Variants in EML1 observed in about 807,000 individuals in gnomAD.
EML1 encodes the protein EMAP like 1.
Under a neutral mutation model 110.4 loss-of-function variants are expected in EML1, and 27 were observed. The observed-to-expected ratio is 0.24, with a 90% CI of 0.18 to 0.34. The LOEUF is 0.34. Ranked by LOEUF, EML1 falls within the 10% of genes least tolerant of loss-of-function variation. The probability of loss-of-function intolerance (pLI) is 1.00; values close to 1 mark genes in which losing one functional copy is unlikely to be tolerated. For synonymous variants in EML1, 344 were observed against 385.8 expected, an observed-to-expected ratio of 0.89 and a Z score of 1.27; for missense variants, 741 against 1,030.9, an observed-to-expected ratio of 0.72 and a Z score of 3.85.
At chr14:99,850,204 G>A (rs1195098709) in intron 1 of EML1, 8 of 1,044,078 alleles carry the variant, frequency 7.7e-6, no homozygotes, top group Non-Finnish European at 1.0e-5. Context: ...CTCCCAAAGT[G>A]TTCTCTGTGT....
At chr14:99,826,105 ATTTTTTTTT>A (rs71113225) in intron 1 of EML1, among the ~76,000 whole-genome samples, 4 of 79,962 alleles carry the variant, frequency 5.0e-5, no homozygotes, top group South Asian at 5.4e-4. Context: ...CTGTGCATTG[ATTTTTTTTT>A]TTTTTTTTTT....
chr14:99,809,021 G>C (rs1013514046), intron 1 of EML1, among the ~76,000 whole-genome samples: 23 of 152,098 alleles, frequency 1.5e-4, no homozygotes, highest in Admixed American at 3.3e-4. Context: ...TAGGTCTCCC[G>C]AAAAAAACCC....
intron 1 of EML1, among the ~76,000 whole-genome samples, chr14:99,763,445 C>T (rs1287287165): frequency 1.3e-5 from 2 of 152,150 alleles, no homozygotes; most frequent in African/African-American, 4.8e-5. Flanking sequence ...CACACTCAGG[C>T]ACCTTCACAA....
chr14:99,749,810 G>A (rs995818538), intron 1 of EML1, among the ~76,000 whole-genome samples: 2 of 152,250 alleles, frequency 1.3e-5, no homozygotes, highest in Non-Finnish European at 2.9e-5. Flanking sequence ...CACAGCCCCA[G>A]TGAAATGCAG....
At chr14:99,844,886 C>T (rs994649356) in intron 1 of EML1, among the ~76,000 whole-genome samples, 3 of 152,106 alleles carry the variant, frequency 2.0e-5, no homozygotes, top group African/African-American at 7.2e-5. Flanking sequence ...GAGTATATTC[C>T]ATTGTATGAG....
At position 99,799,876 on chromosome 14, in the gene EML1, A is replaced by G. The variant is rs143899530; in HGVS notation, c.67+6333A>G. On this transcript the variant is annotated intron_variant, in intron 1 of 21. Transcript: ENST00000262233. ...TAAAACTAGTAGCGTGAAAACCTTC[A>G]TCATGGATAACATTGAAAACGGAAC... is the stretch of plus-strand genomic sequence containing the variant. Among the ~76,000 whole-genome samples, 712 of 152,312 alleles carry G rather than the reference A, an allele frequency of 4.7e-3. 8 individuals are homozygous for G. Among genetic ancestry groups the G allele is most frequent in the African/African-American group, 0.016 (684 of 41,554 alleles).
chr14:99,888,572 G>T (rs1476247194), intron 4 of EML1, among the ~76,000 whole-genome samples: 1 of 152,114 alleles, frequency 6.6e-6, no homozygotes, highest in African/African-American at 2.4e-5. Context: ...AATCATATAT[G>T]TGAAATTTGG....
chr14:99,830,889 C>T (rs1374620920), intron 1 of EML1, among the ~76,000 whole-genome samples: 1 of 152,130 alleles, frequency 6.6e-6, no homozygotes, highest in East Asian at 1.9e-4. Context: ...AATCAGACTG[C>T]CGATAATGTA....
chr14:99,758,606 C>A (rs142905965), intron 1 of EML1, among the ~76,000 whole-genome samples: 1 of 152,310 alleles, frequency 6.6e-6, no homozygotes, highest in African/African-American at 2.4e-5. Flanking sequence ...TGCCCAGAGT[C>A]AGTCCTCGCC....
In EML1 at chr14:99,847,105, A is replaced by G. The variant is rs1462385584; in HGVS notation, c.68-3748A>G. 3.3e-5 allele frequency among the ~76,000 whole-genome samples: 5 copies of G among 152,198 alleles called. No homozygotes were observed. In the South Asian group the frequency reaches 8.3e-4, roughly 25 times the overall value. On this transcript the variant is annotated intron_variant, in intron 1 of 21. Transcript: ENST00000262233. ...TTCTCCTGATATCTTCTTTGATCCA[A>G]TGATTATTTAGAAATGTATTGCTTC...
At chr14:99,867,256 A>T (rs2059118200) in intron 3 of EML1, among the ~76,000 whole-genome samples, 3 of 152,190 alleles carry the variant, frequency 2.0e-5, no homozygotes, top group Admixed American at 6.5e-5. Flanking sequence ...AAAATCAGGA[A>T]ATGGGAGGCC....
At chr14:99,832,143 A>G (rs1055875993) in intron 1 of EML1, among the ~76,000 whole-genome samples, 6 of 151,832 alleles carry the variant, frequency 4.0e-5, no homozygotes, top group Middle Eastern at 3.4e-3. Context: ...AATGTACTCT[A>G]TTTTCTGGCT....
In EML1 at chr14:99,900,911, T is replaced by C; in HGVS notation, c.898-18T>C. On this transcript the variant is annotated intron_variant, in intron 8 of 21. Transcript: ENST00000262233. ...ATCACCATCACAATTGATGGCTCTG[T>C]GTTTCTTTTCTGAACAGCAATTGCC... 6.2e-7 allele frequency: 1 copy of C among 1,606,736 alleles called. No homozygotes were observed.
chr14:99,933,208 C>T (rs1166475572), intron 17 of EML1, among the ~76,000 whole-genome samples: 1 of 152,178 alleles, frequency 6.6e-6, no homozygotes, highest in Admixed American at 6.5e-5. Context: ...TGGCGTGTCG[C>T]TCTGTCGCCC....
chr14:99,902,577 T>G (rs1390935713), intron 9 of EML1, among the ~76,000 whole-genome samples: 1 of 152,216 alleles, frequency 6.6e-6, no homozygotes, highest in African/African-American at 2.4e-5. Context: ...AAAATAAGCC[T>G]TAGTCTTGTA....
At chr14:99,875,912 G>A (rs2059283098) in intron 3 of EML1, among the ~76,000 whole-genome samples, 1 of 152,206 alleles carries the variant, frequency 6.6e-6, no homozygotes, top group South Asian at 2.1e-4. Flanking sequence ...GGCACACCCT[G>A]CAGATTGCAG....
chr14:99,767,340 A>G lies in EML1; in HGVS notation c.28+29480A>G, dbSNP rs1241318245. 2.0e-5 allele frequency among the ~76,000 whole-genome samples: 3 copies of G among 152,232 alleles called. No homozygotes were observed. The East Asian group carries it at 5.8e-4, about 29-fold the overall frequency. On this transcript the variant is annotated intron_variant, in intron 1 of 10. Transcript: ENST00000554479. ...CGGCATTGGCCGGGCACGGTGGCTC[A>G]CGCCTGTAATCCCAACACTTTGGGA...
intron 1 of EML1, among the ~76,000 whole-genome samples, chr14:99,834,941 TC>T (rs1374016324): frequency 6.6e-6 from 1 of 152,120 alleles, no homozygotes; most frequent in African/African-American, 2.4e-5. Flanking sequence ...CACCTCAGCC[TC>T]CCTAGTAGCT....
intron 1 of EML1, among the ~76,000 whole-genome samples, chr14:99,767,342 G>T (rs1009875032): frequency 6.6e-6 from 1 of 152,198 alleles, no homozygotes; most frequent in African/African-American, 2.4e-5. Flanking sequence ...GGTGGCTCAC[G>T]CCTGTAATCC....
Sources: gnomAD v4.1 joint callset for allele counts (sites outside exome capture counted in the v4.1 genomes callset) on GRCh38, gnomAD v4.1.1 for gene constraint, MANE v1.5 for transcripts, NCBI Gene and HGNC (gene_info 2026-07-23, HGNC 2026-07-21) for gene names.